The following GALNT13 variants were observed in gnomAD, a reference collection of about 807,000 sequenced individuals.
The protein encoded by GALNT13 is polypeptide N-acetylgalactosaminyltransferase 13.
GALNT13 carries 28 observed loss-of-function variants against 64.2 expected under a neutral mutation model. The ratio of observed to expected loss-of-function variants is 0.44; its 90% confidence interval spans 0.32 to 0.60. GALNT13 has a LOEUF of 0.60. GALNT13 is among the 20% of genes least tolerant of loss of function. GALNT13 has a pLI of 0.05. For missense variants in GALNT13, 577 were observed against 669.8 expected, an observed-to-expected ratio of 0.86 and a Z score of 1.53; for synonymous variants, 214 against 224.6, an observed-to-expected ratio of 0.95 and a Z score of 0.42.
chr2:153,985,835 A>G (rs1694762494), intron 3 of GALNT13, among the ~76,000 whole-genome samples: 1 of 152,034 alleles, frequency 6.6e-6, no homozygotes, highest in Non-Finnish European at 1.5e-5. Flanking sequence ...AATGCTATTC[A>G]GTAGGAAGCT....
intron 9 of GALNT13, among the ~76,000 whole-genome samples, chr2:154,385,233 A>G (rs187685130): frequency 6.6e-6 from 1 of 152,120 alleles, no homozygotes; most frequent in Non-Finnish European, 1.5e-5. Context: ...TCAATTGCAC[A>G]CTGAAATCTT....
intron 3 of GALNT13, among the ~76,000 whole-genome samples, chr2:154,078,312 A>G (rs1247917354): frequency 6.6e-6 from 1 of 151,564 alleles, no homozygotes; most frequent in Non-Finnish European, 1.5e-5. Context: ...AATTATACTT[A>G]ATACATTGAA....
chr2:153,185,588 G>A, the GALNT13 span, among the ~76,000 whole-genome samples: 6 of 152,084 alleles, frequency 3.9e-5, no homozygotes, highest in African/African-American at 1.2e-4. Flanking sequence ...TTTGATGTGG[G>A]CATTTAGTCC....
chr2:153,616,663 G>A, the GALNT13 span, among the ~76,000 whole-genome samples: 1 of 151,442 alleles, frequency 6.6e-6, no homozygotes, highest in Non-Finnish European at 1.5e-5. Context: ...TAATTTCTAG[G>A]TATTTAATTT....
chr2:153,989,369 A>G (rs1695015599), intron 3 of GALNT13, among the ~76,000 whole-genome samples: 1 of 151,870 alleles, frequency 6.6e-6, no homozygotes, highest in African/African-American at 2.4e-5. Flanking sequence ...GAGAGTGGAA[A>G]GTTCTTAGTT....
chr2:153,252,901 C>T, the GALNT13 span, among the ~76,000 whole-genome samples: 21 of 152,174 alleles, frequency 1.4e-4, no homozygotes, highest in East Asian at 1.2e-3. Context: ...AGTCAGGTAG[C>T]GTGATGCCTC....
chr2:154,251,259 C>T (rs1690055150), intron 7 of GALNT13, among the ~76,000 whole-genome samples: 2 of 151,968 alleles, frequency 1.3e-5, no homozygotes, highest in Admixed American at 6.6e-5. Flanking sequence ...TTTGATCCCT[C>T]GTAAGCATGA....
chr2:154,123,534 A>G (rs1264936174), intron 3 of GALNT13, among the ~76,000 whole-genome samples: 2 of 151,980 alleles, frequency 1.3e-5, no homozygotes, highest in African/African-American at 2.4e-5. Context: ...TAACATGGCT[A>G]CACACTCAAT....
chr2:153,653,526 T>C, the GALNT13 span, among the ~76,000 whole-genome samples: 1 of 152,004 alleles, frequency 6.6e-6, no homozygotes, highest in African/African-American at 2.4e-5. Context: ...TATAATTAGA[T>C]GTTGTGTGAG....
the GALNT13 span, among the ~76,000 whole-genome samples, chr2:153,698,606 C>A: frequency 3.9e-5 from 6 of 152,108 alleles, no homozygotes; most frequent in Admixed American, 3.3e-4. Flanking sequence ...CTCTTACAGA[C>A]CTACAAAGAG....
At chr2:154,146,880 G>A (rs541003143) in intron 4 of GALNT13, among the ~76,000 whole-genome samples, 33 of 151,850 alleles carry the variant, frequency 2.2e-4, no homozygotes, top group African/African-American at 6.8e-4. Context: ...TTTTTAAAAC[G>A]TCATATAAAC....
At chr2:154,092,051 G>A (rs1701836856) in intron 3 of GALNT13, among the ~76,000 whole-genome samples, 1 of 128,874 alleles carries the variant, frequency 7.8e-6, no homozygotes, top group Admixed American at 9.1e-5. Context: ...GCTGCCAGCA[G>A]AGGCATTTCA....
At chr2:153,191,963 G>T in the GALNT13 span, among the ~76,000 whole-genome samples, 1 of 151,474 alleles carries the variant, frequency 6.6e-6, no homozygotes, top group Non-Finnish European at 1.5e-5. Flanking sequence ...TTAATTTTAT[G>T]GGTGGTTTAT....
the GALNT13 span, among the ~76,000 whole-genome samples, chr2:153,070,069 G>A: frequency 5.9e-5 from 9 of 152,200 alleles, no homozygotes; most frequent in East Asian, 5.8e-4. Flanking sequence ...AATAAGTGCC[G>A]TTTAGTGAGA....
At chr2:154,261,365 T>C (rs1464773021) in intron 8 of GALNT13, among the ~76,000 whole-genome samples, 1 of 152,154 alleles carries the variant, frequency 6.6e-6, no homozygotes, top group Non-Finnish European at 1.5e-5. Flanking sequence ...AAACAAAATA[T>C]GTATTTTGCT....
chr2:154,134,676 A>G (rs929201057), intron 3 of GALNT13, among the ~76,000 whole-genome samples: 1 of 152,192 alleles, frequency 6.6e-6, no homozygotes. Context: ...GGTTTCCACA[A>G]ATGTTTTTTA....
intron 3 of GALNT13, among the ~76,000 whole-genome samples, chr2:153,966,367 G>C (rs1275887698): frequency 2.8e-5 from 4 of 145,446 alleles, no homozygotes; most frequent in African/African-American, 1.0e-4. Flanking sequence ...GCTGTTGTTG[G>C]GATTCTTTTT....
At chr2:154,428,756 TGTG>T (rs1208725756) in intron 11 of GALNT13, among the ~76,000 whole-genome samples, 4 of 151,912 alleles carry the variant, frequency 2.6e-5, no homozygotes, top group Non-Finnish European at 4.4e-5. Flanking sequence ...TTTTATCTGT[TGTG>T]ATGATCTATG....
the GALNT13 span, among the ~76,000 whole-genome samples, chr2:153,300,869 T>A: frequency 6.6e-6 from 1 of 152,198 alleles, no homozygotes; most frequent in African/African-American, 2.4e-5. Context: ...TGATATTAAT[T>A]ATAAAATTTT....
Sources: gnomAD v4.1 joint callset for allele counts (sites outside exome capture counted in the v4.1 genomes callset) on GRCh38, gnomAD v4.1.1 for gene constraint, MANE v1.5 for transcripts, NCBI Gene and HGNC (gene_info 2026-07-23, HGNC 2026-07-21) for gene names.